UBN2: variants seen among roughly 807,000 people sequenced by gnomAD.
UBN2 encodes the protein ubinuclein 2, also known as ubinuclein-2.
UBN2 carries 35 observed loss-of-function variants against 120.2 expected under a neutral mutation model. That is an observed-to-expected ratio of 0.29 (90% CI 0.22 to 0.39). The LOEUF (loss-of-function observed/expected upper bound fraction) is 0.39. Among genes scored for constraint, UBN2 ranks in the 10% least tolerant of loss-of-function variants. UBN2 has a pLI of 1.00. For synonymous variants in UBN2, 661 were observed against 648.7 expected (o/e 1.02, Z -0.29); for missense variants, 1,693 against 1,663.2 (o/e 1.02, Z -0.31).
the UBN2 span, among the ~76,000 whole-genome samples, chr7:139,316,578 T>C: frequency 6.6e-6 from 1 of 152,114 alleles, no homozygotes; most frequent in Non-Finnish European, 1.5e-5. Context: ...AACCTGTCTC[T>C]ACTACAAATA....
rs1797714834 is a variant in UBN2 at position 139,284,334 on chromosome 7, T to G, written c.3429T>G (p.Leu1143=). ...RTSGLPPTKN[L]QAPSKLTNSS... is the part of the protein sequence containing the mutation. ...CAGGCCTTCCACCTACAAAAAATCT[T>G]CAGGCCCCCTCAAAGCTAACAAACT... is the stretch of plus-strand genomic sequence containing the variant. Residue 1143 remains leucine, a synonymous_variant, in exon 15 of 18, where the codon CTT becomes CTG. Coordinates refer to ENST00000473989, the MANE Select transcript of UBN2 (RefSeq NM_173569.4). 6.2e-7 allele frequency: 1 copy of G among 1,614,140 alleles called. No homozygotes were observed. The highest frequency in any genetic ancestry group is 8.5e-7 in the Non-Finnish European group (1 of 1,180,032).
At chr7:139,285,711 G>A (rs966569833) in intron 15 of UBN2, among the ~76,000 whole-genome samples, 55 of 151,758 alleles carry the variant, frequency 3.6e-4, no homozygotes, top group African/African-American at 1.1e-3. Flanking sequence ...TCCATTTATC[G>A]TAAGTTTTTT....
rs1243437747 is a variant in UBN2 at position 139,284,460 on chromosome 7, G to A, written c.3555G>A (p.Arg1185=). ...ACCTTAACTCAAGCGGAGCTAATAG[G>A]ACTAGTCTGTCTGGGGGAACAGGAA... The part of the protein sequence containing the change: ...GSNLNSSGAN[R]TSLSGGTGSG... Residue 1185 remains arginine (R), a synonymous_variant, in exon 15 of 18, where the codon AGG becomes AGA. Coordinates refer to ENST00000473989, the MANE Select transcript of UBN2 (RefSeq NM_173569.4). 3 of 1,614,182 alleles carry A rather than the reference G, an allele frequency of 1.9e-6. No homozygotes were observed. Among genetic ancestry groups the A allele is most frequent in the African/African-American group, 1.3e-5 (1 of 75,048 alleles).
At position 139,305,436 on chromosome 7, in the gene UBN2, A is replaced by G. The variant is rs923400090; in HGVS notation, c.*7600A>G. ...TTACATCCCAGCAGAGGATTCAGGC[A>G]GGGACTCTCAGGATTTTAATCAGAC... On this transcript the variant is annotated 3_prime_UTR_variant, in exon 18 of 18. Transcript: ENST00000473989. 6.6e-6 allele frequency: 1 copy of G among 152,226 alleles called. No homozygotes were observed. The highest frequency in any genetic ancestry group is 1.5e-5 in the Non-Finnish European group (1 of 68,042). The allele number at this position is 152,226 out of a possible 1,614,324, so 9.4% of individuals were successfully genotyped here.
chr7:139,328,298 G>A, the UBN2 span, among the ~76,000 whole-genome samples: 2 of 152,314 alleles, frequency 1.3e-5, no homozygotes, highest in East Asian at 1.9e-4. Flanking sequence ...GGAGGGGAAA[G>A]TGCCACACTT....
chr7:139,282,942 A>T, intron 14 of UBN2, 82 bp from the exon 15 acceptor site: 1 of 1,160,110 alleles, frequency 8.6e-7, no homozygotes, highest in Non-Finnish European at 1.2e-6. Context: ...AATTGTCATG[A>T]GAATCTTTTA....
rs762059668 is a variant in UBN2, at chr7:139,273,342, T to G, written c.1761T>G (p.Asp587Glu). The G allele has an allele frequency of 5.6e-6, 9 of 1,610,008 alleles. No individual in the cohort carries two copies. Among genetic ancestry groups the G allele is most frequent in the African/African-American group, 4.0e-5 (3 of 74,804 alleles). The change falls in exon 10 of 18, where the codon GAT becomes GAG. Residue 587 changes from aspartate (D) to glutamate (E), a missense_variant. Physicochemically the swap from Asp to Glu is conservative, Grantham distance 45. Transcript: ENST00000473989. ...GAGAAAAAAATGGATCTGAAGAGGA[T>G]GATGATGAGAAACCAGGAAAACGTG... The part of the protein sequence containing the change: ...EEREKNGSEE[D>E]DDEKPGKRVI...
chr7:139,233,392 G>A (rs73466675), intron 1 of UBN2, among the ~76,000 whole-genome samples: 2,914 of 152,122 alleles, frequency 0.019, 98 homozygotes, highest in African/African-American at 0.066. Flanking sequence ...AAGTTGGTTT[G>A]CAGTTTTTGT....
intron 13 of UBN2, among the ~76,000 whole-genome samples, chr7:139,281,608 G>C (rs1797613720): frequency 6.6e-6 from 1 of 151,998 alleles, no homozygotes; most frequent in African/African-American, 2.4e-5. Context: ...TATATATCCT[G>C]AACAATTTTC....
downstream of UBN2, among the ~76,000 whole-genome samples, chr7:139,309,252 G>A (rs775130657): frequency 6.6e-6 from 1 of 152,142 alleles, no homozygotes; most frequent in Non-Finnish European, 1.5e-5. Context: ...TAGAGTGATG[G>A]TATGAGTGCT....
chr7:139,281,899 G>A, intron 13 of UBN2, 106 bp from the exon 14 acceptor site: 1 of 986,972 alleles, frequency 1.0e-6, no homozygotes, highest in Admixed American at 1.9e-5. Context: ...CTTCCAATTG[G>A]TAGTGAGGTT....
chr7:139,288,717 A>G (rs144103784), intron 15 of UBN2, among the ~76,000 whole-genome samples: 1 of 152,120 alleles, frequency 6.6e-6, no homozygotes, highest in African/African-American at 2.4e-5. Flanking sequence ...AAAAAATTTA[A>G]TTGCGGCCGG....
At chr7:139,318,085 G>C in the UBN2 span, among the ~76,000 whole-genome samples, 1 of 152,146 alleles carries the variant, frequency 6.6e-6, no homozygotes, top group South Asian at 2.1e-4. Flanking sequence ...GAGGATCTTT[G>C]TTGTGCTTAT....
chr7:139,323,459 G>A, the UBN2 span, among the ~76,000 whole-genome samples: 7 of 152,044 alleles, frequency 4.6e-5, no homozygotes, highest in Admixed American at 1.3e-4. Flanking sequence ...ATCAGGCTTC[G>A]TTCCCAAATT....
At chr7:139,313,310 T>A in the UBN2 span, among the ~76,000 whole-genome samples, 1 of 152,194 alleles carries the variant, frequency 6.6e-6, no homozygotes, top group Non-Finnish European at 1.5e-5. Flanking sequence ...AACTTCTCTA[T>A]GAAGGTCTTG....
At chr7:139,294,081 G>A (rs1391302484) in intron 17 of UBN2, 100 bp downstream of exon 17, 5 of 1,258,526 alleles carry the variant, frequency 4.0e-6, no homozygotes, top group Non-Finnish European at 5.6e-6. Context: ...ACAAAGGTTG[G>A]AAAATGCAAA....
chr7:139,254,313 T>A (rs1374071338), intron 3 of UBN2, among the ~76,000 whole-genome samples: 1 of 151,946 alleles, frequency 6.6e-6, no homozygotes, highest in African/African-American at 2.4e-5. Flanking sequence ...AAAAAAAAAT[T>A]CTGCTGTCCC....
intron 2 of UBN2, among the ~76,000 whole-genome samples, chr7:139,248,975 A>G (rs1796545074): frequency 6.6e-6 from 1 of 151,790 alleles, no homozygotes; most frequent in Admixed American, 6.6e-5. Flanking sequence ...GGTATGTTGT[A>G]TGTATATATG....
Position 139,297,864 on chromosome 7 carries a change from G to C in UBN2, c.*28G>C, listed in dbSNP as rs765503131. ...GCCCAGCAAGCAAAGGAGACGAAAT[G>C]TTTAGTTGACTGATGGAATCTACCT... is the stretch of plus-strand genomic sequence containing the variant. On this transcript the variant is annotated 3_prime_UTR_variant, in exon 18 of 18. Coordinates refer to ENST00000473989, the MANE Select transcript of UBN2 (RefSeq NM_173569.4). 1.9e-6 allele frequency: 3 copies of C among 1,613,240 alleles called. No individual in the cohort carries two copies. In the East Asian group the frequency reaches 6.7e-5, roughly 36 times the overall value.
Sources: gnomAD v4.1 joint callset for allele counts (sites outside exome capture counted in the v4.1 genomes callset) on GRCh38, gnomAD v4.1.1 for gene constraint, MANE v1.5 for transcripts, NCBI Gene and HGNC (gene_info 2026-07-23, HGNC 2026-07-21) for gene names.